Variants in CNTNAP2 observed in about 807,000 individuals in gnomAD.
CNTNAP2 encodes the protein contactin associated protein 2.
CNTNAP2 carries 98 observed loss-of-function variants against 155.2 expected under a neutral mutation model. That is an observed-to-expected ratio of 0.63 (90% CI 0.54 to 0.75). CNTNAP2 has a LOEUF of 0.75. Among genes scored for constraint, CNTNAP2 ranks in the 30% least tolerant of loss-of-function variants. CNTNAP2 has a pLI of 0.00. For missense variants in CNTNAP2, 1,727 were observed against 1,688.1 expected (o/e 1.02, Z -0.40); for synonymous variants, 651 against 631.2 (o/e 1.03, Z -0.47).
chr7:147,735,166 T>A (rs1231075344), intron 13 of CNTNAP2, among the ~76,000 whole-genome samples: 1 of 152,192 alleles, frequency 6.6e-6, no homozygotes, highest in Non-Finnish European at 1.5e-5. Context: ...TTTAGTGCTA[T>A]AAATTTCCCT....
At chr7:147,196,847 T>G (rs1802811377) in intron 8 of CNTNAP2, among the ~76,000 whole-genome samples, 1 of 152,076 alleles carries the variant, frequency 6.6e-6, no homozygotes, top group East Asian at 1.9e-4. Context: ...CTCAAAAGAC[T>G]TGGTGGAGGG....
At chr7:147,472,583 C>T (rs1329812725) in intron 10 of CNTNAP2, among the ~76,000 whole-genome samples, 2 of 152,014 alleles carry the variant, frequency 1.3e-5, no homozygotes, top group Non-Finnish European at 2.9e-5. Context: ...TGAATTAAAG[C>T]AAGGCAAGAT....
chr7:148,082,522 A>G (rs1803631737), intron 15 of CNTNAP2, among the ~76,000 whole-genome samples: 4 of 152,174 alleles, frequency 2.6e-5, no homozygotes, highest in African/African-American at 7.2e-5. Context: ...CGCAAAAGGC[A>G]TCAAATAAAG....
intron 1 of CNTNAP2, among the ~76,000 whole-genome samples, chr7:146,136,872 G>A (rs1797805629): frequency 1.3e-5 from 2 of 152,190 alleles, no homozygotes. Context: ...TGTCAAAATA[G>A]CAGTGCCATT....
chr7:147,569,807 TC>T (rs1176124832), intron 12 of CNTNAP2, among the ~76,000 whole-genome samples: 1 of 152,240 alleles, frequency 6.6e-6, no homozygotes, highest in Admixed American at 6.5e-5. Context: ...TTTCTGTGTG[TC>T]AAGGCACAGG....
At chr7:147,239,298 G>A (rs1803885722) in intron 8 of CNTNAP2, among the ~76,000 whole-genome samples, 2 of 151,970 alleles carry the variant, frequency 1.3e-5, no homozygotes, top group Non-Finnish European at 1.5e-5. Context: ...ACAAGGTCAG[G>A]AGTTCGAGAC....
chr7:147,281,202 G>C (rs1431755397), intron 8 of CNTNAP2, among the ~76,000 whole-genome samples: 2 of 151,734 alleles, frequency 1.3e-5, no homozygotes, highest in Admixed American at 6.6e-5. Context: ...ATAATGATAA[G>C]GACCAATATA....
chr7:146,642,163 ATTT>A (rs1193918636), intron 1 of CNTNAP2, among the ~76,000 whole-genome samples: 1 of 149,788 alleles, frequency 6.7e-6, no homozygotes. Context: ...TTATTTTTTA[ATTT>A]TATTATTATA....
chr7:147,947,454 C>CAAAAAAAAA, intron 14 of CNTNAP2, among the ~76,000 whole-genome samples: 1 of 80,286 alleles, frequency 1.2e-5, no homozygotes, highest in Non-Finnish European at 2.4e-5. Flanking sequence ...CCTGTCTCTA[C>CAAAAAAAAA]AAAAAAAAAA....
intron 3 of CNTNAP2, among the ~76,000 whole-genome samples, chr7:146,890,056 CAG>C: frequency 6.6e-6 from 1 of 152,224 alleles, no homozygotes; most frequent in South Asian, 2.1e-4. Flanking sequence ...GCAACTGAGA[CAG>C]AGATCCAAGC....
At chr7:146,335,784 A>G (rs538906757) in intron 1 of CNTNAP2, among the ~76,000 whole-genome samples, 3 of 152,280 alleles carry the variant, frequency 2.0e-5, no homozygotes, top group African/African-American at 4.8e-5. Flanking sequence ...AATGTTTCCT[A>G]CACCATAGAG....
At chr7:147,169,600 A>G (rs1023158589) in intron 8 of CNTNAP2, among the ~76,000 whole-genome samples, 6 of 146,626 alleles carry the variant, frequency 4.1e-5, no homozygotes, top group Non-Finnish European at 7.5e-5. Flanking sequence ...ATTTCTGTAA[A>G]GGACACAATT....
At chr7:146,880,027 G>A (rs1795510514) in intron 3 of CNTNAP2, among the ~76,000 whole-genome samples, 2 of 152,114 alleles carry the variant, frequency 1.3e-5, no homozygotes, top group South Asian at 2.1e-4. Flanking sequence ...CATGAGAACA[G>A]TATGTGGGAT....
intron 13 of CNTNAP2, among the ~76,000 whole-genome samples, chr7:147,740,352 A>AAG (rs2116484893): frequency 6.6e-6 from 1 of 152,336 alleles, no homozygotes; most frequent in African/African-American, 2.4e-5. Flanking sequence ...GCCCCCAAAA[A>AAG]TAGTAAAAAT....
chr7:148,369,984 T>C (rs897209446), intron 21 of CNTNAP2, among the ~76,000 whole-genome samples: 2 of 152,166 alleles, frequency 1.3e-5, no homozygotes, highest in Admixed American at 1.3e-4. Flanking sequence ...GGAAAAGCTT[T>C]GTTTTAAGTT....
chr7:146,929,316 C>T (rs1424424655), intron 3 of CNTNAP2, among the ~76,000 whole-genome samples: 1 of 152,178 alleles, frequency 6.6e-6, no homozygotes. Flanking sequence ...ACTACTGATA[C>T]CCAGGCAAAC....
At chr7:147,086,823 C>T (rs1173133839) in intron 4 of CNTNAP2, among the ~76,000 whole-genome samples, 2 of 152,230 alleles carry the variant, frequency 1.3e-5, no homozygotes, top group East Asian at 3.9e-4. Context: ...TGGGAAACAG[C>T]AATTTTAAAT....
chr7:147,375,724 T>C (rs139172968), intron 9 of CNTNAP2, among the ~76,000 whole-genome samples: 1 of 152,208 alleles, frequency 6.6e-6, no homozygotes, highest in African/African-American at 2.4e-5. Flanking sequence ...CCATTTTCAC[T>C]TCTCATGGAC....
intron 1 of CNTNAP2, among the ~76,000 whole-genome samples, chr7:146,173,039 A>G (rs1454909775): frequency 2.0e-5 from 3 of 152,144 alleles, no homozygotes; most frequent in African/African-American, 7.2e-5. Context: ...TATTAACATC[A>G]GGAAATATTG....
Sources: gnomAD v4.1 joint callset for allele counts (sites outside exome capture counted in the v4.1 genomes callset) on GRCh38, gnomAD v4.1.1 for gene constraint, MANE v1.5 for transcripts, NCBI Gene and HGNC (gene_info 2026-07-23, HGNC 2026-07-21) for gene names.